CARMIL1: variants seen among roughly 807,000 people sequenced by gnomAD.
CARMIL1 encodes the protein capping protein regulator and myosin 1 linker 1.
A neutral mutation model predicts 177.1 loss-of-function variants in CARMIL1; 90 were observed. The ratio of observed to expected loss-of-function variants is 0.51; its 90% CI spans 0.43 to 0.61. CARMIL1 has a LOEUF of 0.61. Among genes scored for constraint, CARMIL1 ranks in the 20% least tolerant of loss-of-function variants. The probability of loss-of-function intolerance (pLI) is 0.00; values close to 1 mark genes in which losing one functional copy is unlikely to be tolerated. For synonymous variants in CARMIL1, 577 were observed against 606.2 expected (o/e 0.95, Z 0.71); for missense variants, 1,380 against 1,667.0 (o/e 0.83, Z 3.00).
intron 2 of CARMIL1, among the ~76,000 whole-genome samples, chr6:25,301,074 A>G (rs544227330): frequency 1.3e-5 from 2 of 152,286 alleles, no homozygotes; most frequent in East Asian, 3.9e-4. Context: ...TGGTGCATGC[A>G]ACTTCACAGT....
rs1293891443 is a variant in CARMIL1 at position 25,390,315 on chromosome 6, TATA to T, written c.139-29798_139-29796del. Among the ~76,000 whole-genome samples the T allele has an allele frequency of 7.4e-3, 370 of 50,230 alleles. 1 individual carries two copies. The highest frequency in any genetic ancestry group is 0.017 in the Middle Eastern group (1 of 58). 33.0% of individuals were successfully genotyped at this position (50,230 alleles called of 152,430 possible). Reference sequence around the variant, plus strand: ...TTACATATATATATATATATATATATATATATTTTTTTTTTTTTTTTTTTGAGA... The same window carrying T: ...TTACATATATATATATATATATATATTATTTTTTTTTTTTTTTTTTTGAGA... On this transcript the variant is annotated intron_variant, in intron 2 of 36. Coordinates refer to ENST00000329474, the MANE Select transcript of CARMIL1 (RefSeq NM_017640.6).
chr6:25,595,589 G>A (rs1382372638), intron 32 of CARMIL1, among the ~76,000 whole-genome samples: 1 of 152,056 alleles, frequency 6.6e-6, no homozygotes, highest in Non-Finnish European at 1.5e-5. Flanking sequence ...AAGCTTTTGT[G>A]GGACTGCTCC....
intron 29 of CARMIL1, among the ~76,000 whole-genome samples, chr6:25,578,178 C>T (rs776626228): frequency 1.3e-5 from 2 of 152,054 alleles, no homozygotes; most frequent in Non-Finnish European, 2.9e-5. Context: ...ATTTCTCTGA[C>T]TCAGAAAGTA....
intron 2 of CARMIL1, among the ~76,000 whole-genome samples, chr6:25,343,937 C>T (rs1031100884): frequency 6.6e-6 from 1 of 152,156 alleles, no homozygotes; most frequent in African/African-American, 2.4e-5. Flanking sequence ...ACGCCACCTC[C>T]TCTGACTTTC....
At chr6:25,333,535 C>T (rs986807725) in intron 2 of CARMIL1, among the ~76,000 whole-genome samples, 1 of 152,208 alleles carries the variant, frequency 6.6e-6, no homozygotes, top group African/African-American at 2.4e-5. Flanking sequence ...CACTGCGCTC[C>T]AGCCTGAGTG....
At chr6:25,346,602 C>A (rs1008244983) in intron 2 of CARMIL1, among the ~76,000 whole-genome samples, 1 of 152,146 alleles carries the variant, frequency 6.6e-6, no homozygotes, top group Non-Finnish European at 1.5e-5. Flanking sequence ...CTTTTCTCTC[C>A]TACTGGAGTG....
At chr6:25,612,987 C>A in intron 36 of CARMIL1, 1 of 729,890 alleles carries the variant, frequency 1.4e-6, no homozygotes, top group Non-Finnish European at 1.7e-6. Context: ...GGGACTGGGT[C>A]AGGGATTAGT....
chr6:25,445,785 GCCT>G (rs1217458160), intron 5 of CARMIL1, among the ~76,000 whole-genome samples: 3 of 151,972 alleles, frequency 2.0e-5, no homozygotes, highest in African/African-American at 7.3e-5. Flanking sequence ...TGATCCACAC[GCCT>G]CGGCTGGGAT....
intron 2 of CARMIL1, among the ~76,000 whole-genome samples, chr6:25,365,349 T>C (rs1789665987): frequency 1.3e-5 from 2 of 152,358 alleles, no homozygotes; most frequent in Admixed American, 1.3e-4. Context: ...GTATTCAGCC[T>C]ACTAGCTCTG....
chr6:25,542,690 A>G (rs1183292345), intron 26 of CARMIL1, among the ~76,000 whole-genome samples: 1 of 152,144 alleles, frequency 6.6e-6, no homozygotes, highest in Non-Finnish European at 1.5e-5. Flanking sequence ...AATGTATTTT[A>G]AAATGTTCTT....
intron 2 of CARMIL1, among the ~76,000 whole-genome samples, chr6:25,303,800 T>C (rs1342259701): frequency 6.6e-6 from 1 of 152,212 alleles, no homozygotes; most frequent in Non-Finnish European, 1.5e-5. Flanking sequence ...AACATTCCAT[T>C]TAACAATCAT....
intron 2 of CARMIL1, among the ~76,000 whole-genome samples, chr6:25,290,285 G>A (rs1344538758): frequency 2.0e-5 from 3 of 151,782 alleles, no homozygotes; most frequent in African/African-American, 7.3e-5. Flanking sequence ...TTGTAGAGAT[G>A]GGTTTCACCA....
intron 24 of CARMIL1, among the ~76,000 whole-genome samples, chr6:25,533,107 T>G (rs759706250): frequency 6.6e-5 from 10 of 152,090 alleles, no homozygotes; most frequent in Non-Finnish European, 8.8e-5. Context: ...CTCGTTATAT[T>G]CTCTTTCCTC....
intron 31 of CARMIL1, among the ~76,000 whole-genome samples, chr6:25,590,653 T>C (rs1374921093): frequency 1.3e-5 from 2 of 152,292 alleles, no homozygotes; most frequent in East Asian, 3.9e-4. Context: ...TTACTAAGGA[T>C]TTTATTTCTT....
At chr6:25,397,113 G>T (rs1793474511) in intron 2 of CARMIL1, among the ~76,000 whole-genome samples, 2 of 152,076 alleles carry the variant, frequency 1.3e-5, no homozygotes, top group African/African-American at 4.8e-5. Context: ...GCCCTCAGGG[G>T]GCTAAAACTC....
At chr6:25,282,069 C>G (rs1016812119) in intron 1 of CARMIL1, among the ~76,000 whole-genome samples, 10 of 128,518 alleles carry the variant, frequency 7.8e-5, no homozygotes, top group African/African-American at 2.7e-4. Context: ...AAGCCGAGAT[C>G]AAGCCATTTC....
intron 33 of CARMIL1, among the ~76,000 whole-genome samples, chr6:25,603,995 G>A (rs1454139457): frequency 1.3e-5 from 2 of 152,126 alleles, no homozygotes; most frequent in Non-Finnish European, 1.5e-5. Context: ...TCAAAGCAAG[G>A]AAGACCCTGC....
At chr6:25,343,117 T>A (rs900575019) in intron 2 of CARMIL1, among the ~76,000 whole-genome samples, 4 of 152,210 alleles carry the variant, frequency 2.6e-5, no homozygotes, top group Non-Finnish European at 2.9e-5. Context: ...GTGGAATGTT[T>A]TATAGTATCC....
chr6:25,442,098 A>T (rs1797827498), intron 5 of CARMIL1, among the ~76,000 whole-genome samples: 1 of 152,010 alleles, frequency 6.6e-6, no homozygotes, highest in Admixed American at 6.6e-5. Flanking sequence ...AGCATGTGCT[A>T]TTCTGGAGAC....
Sources: gnomAD v4.1 joint callset for allele counts (sites outside exome capture counted in the v4.1 genomes callset) on GRCh38, gnomAD v4.1.1 for gene constraint, MANE v1.5 for transcripts, NCBI Gene and HGNC (gene_info 2026-07-23, HGNC 2026-07-21) for gene names.